The following PER2 variants were observed in gnomAD, a reference collection of about 807,000 sequenced individuals.
PER2 encodes the protein period circadian regulator 2, also known as period circadian protein homolog 2.
Under a neutral mutation model 121.0 loss-of-function variants are expected in PER2, and 66 were observed. The ratio of observed to expected loss-of-function variants is 0.55; its 90% CI spans 0.45 to 0.67. PER2 has a LOEUF of 0.67. PER2 is among the 30% of genes least tolerant of loss of function. The pLI is 0.00. For synonymous variants in PER2, 684 were observed against 659.9 expected, an observed-to-expected ratio of 1.04 and a Z score of -0.56; for missense variants, 1,521 against 1,635.0, an observed-to-expected ratio of 0.93 and a Z score of 1.20.
Position 238,261,737 on chromosome 2 carries a change from G to A in PER2, c.1408C>T (p.Leu470=), listed in dbSNP as rs1452681481. Residue 470 remains leucine (L), a synonymous_variant, in exon 12 of 23, where the codon CTG becomes TTG. Coordinates refer to ENST00000254657, the MANE Select transcript of PER2 (RefSeq NM_022817.3). ...QELTEQIHRL[L]LQPVPHSGSS... is the part of the protein sequence containing the mutation. ...GCAGGCACCACACCCACCTGCAGCA[G>A]GAGCCGGTGGATCTGCTCTGTGAGC... 6.4e-7 allele frequency: 1 copy of A among 1,556,188 alleles called. No homozygotes were observed. The highest frequency in any genetic ancestry group is 1.2e-5 in the South Asian group (1 of 84,558).
chr2:238,250,513 T>C (rs1695567896), intron 21 of PER2, 38 bp downstream of exon 21: 1 of 1,477,000 alleles, frequency 6.8e-7, no homozygotes, highest in South Asian at 1.2e-5. Context: ...CTGAACCCCA[T>C]CCCTCCCCAG....
chr2:238,287,244 C>G (rs1386101836), intron 1 of PER2, among the ~76,000 whole-genome samples: 1 of 152,256 alleles, frequency 6.6e-6, no homozygotes, highest in Non-Finnish European at 1.5e-5. Context: ...CATCCCCGCG[C>G]TGGCACACCA....
chr2:238,249,115 C>T lies in PER2; in HGVS notation c.3565G>A (p.Glu1189Lys), dbSNP rs745635601. The T allele has an allele frequency of 4.3e-6, 7 of 1,614,088 alleles. No homozygotes were observed. In the East Asian group the frequency reaches 6.7e-5, roughly 15 times the overall value. The change falls in exon 22 of 23, where the codon GAG becomes AAG. Residue 1189 changes from glutamate (E) to lysine (K), a missense_variant. Physicochemically the swap from Glu to Lys is moderately conservative, Grantham distance 56. Coordinates refer to ENST00000254657, the MANE Select transcript of PER2 (RefSeq NM_022817.3). ...FTESQKQELR[E>K]VHQWMQTGGL... Reference sequence around the variant, plus strand: ...CCCGTCTGCATCCACTGGTGGACCTCGCGCAGCTCCTGCTTCTGACTCTCC... The same window carrying T: ...CCCGTCTGCATCCACTGGTGGACCTTGCGCAGCTCCTGCTTCTGACTCTCC...
At chr2:238,273,244 G>A in intron 4 of PER2, 53 bp from the exon 5 acceptor site, 1 of 1,593,708 alleles carries the variant, frequency 6.3e-7, no homozygotes, top group Non-Finnish European at 8.6e-7. Flanking sequence ...CTTGGCCGGA[G>A]ACAGTCACTA....
chr2:238,294,370 G>A (rs751924573), upstream of PER2, among the ~76,000 whole-genome samples: 31 of 152,202 alleles, frequency 2.0e-4, no homozygotes, highest in Non-Finnish European at 3.4e-4. Flanking sequence ...GGCCTTGCAT[G>A]CTCTGGGGAC....
chr2:238,269,550 C>T (rs1696220612), intron 6 of PER2, among the ~76,000 whole-genome samples: 1 of 130,756 alleles, frequency 7.6e-6, no homozygotes, highest in Non-Finnish European at 1.6e-5. Flanking sequence ...GCAAACACAC[C>T]AACCTGCAAC....
intron 8 of PER2, among the ~76,000 whole-genome samples, chr2:238,266,217 T>G (rs1696107533): frequency 6.6e-6 from 1 of 152,200 alleles, no homozygotes; most frequent in Non-Finnish European, 1.5e-5. Context: ...CTTTATGATG[T>G]TTAAGATGAA....
intron 1 of PER2, among the ~76,000 whole-genome samples, chr2:238,285,701 C>G (rs1202618516): frequency 7.9e-6 from 1 of 126,664 alleles, no homozygotes; most frequent in Admixed American, 8.8e-5. Context: ...GTGCCAGCCC[C>G]CCAGAGGCTC....
At position 238,268,548 on chromosome 2, in the gene PER2, CTCAA is replaced by C. The variant is rs1430068300; in HGVS notation, c.825-354_825-351del. ...TCACTCCTGACAGTGCAGCTGGATGCTCAATCAGTCACCCTGGTTTGGACCAAGA... is the reference window on the plus strand; with the variant it reads ...TCACTCCTGACAGTGCAGCTGGATGCTCAGTCACCCTGGTTTGGACCAAGA... On this transcript the variant is annotated intron_variant, in intron 7 of 22. Transcript: ENST00000254657. The surrounding 1 kb of genome is among the most constrained non-coding windows in gnomAD (Gnocchi z 4.0). Among the ~76,000 whole-genome samples the C allele has an allele frequency of 1.3e-5, 2 of 152,224 alleles. No homozygotes were observed. Among genetic ancestry groups the C allele is most frequent in the Non-Finnish European group, 2.9e-5 (2 of 68,040 alleles).
rs142267174 is a variant in PER2 at position 238,253,011 on chromosome 2, A to T, written c.3012T>A (p.Thr1004=). 1.2e-6 allele frequency: 2 copies of T among 1,613,764 alleles called. No homozygotes were observed. The highest frequency in any genetic ancestry group is 2.7e-5 in the African/African-American group (2 of 74,910). Residue 1004 remains threonine, a synonymous_variant, in exon 19 of 23, where the codon ACT becomes ACA. Transcript: ENST00000254657. The surrounding 1 kb of genome is among the most constrained non-coding windows in gnomAD (Gnocchi z 5.6). The part of the protein sequence containing the change: ...LQLEEAPEGG[T]GAMGTTGATE... The stretch of plus-strand genomic sequence containing the variant: ...TGGCCCCTGTGGTCCCCATGGCTCC[A>T]GTGCCACCCTCAGGGGCTTCCTCCA...
At chr2:238,294,368 A>G (rs1574868805), upstream of PER2, among the ~76,000 whole-genome samples, 1 of 152,180 alleles carries the variant, frequency 6.6e-6, no homozygotes, top group African/African-American at 2.4e-5. Flanking sequence ...GGGGCCTTGC[A>G]TGCTCTGGGG....
chr2:238,294,042 T>TC (rs34950361), upstream of PER2, among the ~76,000 whole-genome samples: 3 of 152,014 alleles, frequency 2.0e-5, no homozygotes, highest in Non-Finnish European at 2.9e-5. Context: ...TCTGAGCTGA[T>TC]CCCCCCCACA....
chr2:238,250,540 T>G lies in PER2; in HGVS notation c.3467+11A>C, dbSNP rs757977057. 4 of 1,605,750 alleles carry G rather than the reference T, an allele frequency of 2.5e-6. No individual in the cohort carries two copies. The highest frequency in any genetic ancestry group is 3.4e-6 in the Non-Finnish European group (4 of 1,175,068). ...CCTCCCCAGGTGCCTAGGAAAACGC[T>G]GGGTGGTTACCGGGAAGGCAGCTGG... On this transcript the variant is annotated intron_variant, in intron 21 of 22. Coordinates refer to ENST00000254657, the MANE Select transcript of PER2 (RefSeq NM_022817.3).
chr2:238,247,083 A>C (rs1695469834), intron 22 of PER2: 1 of 152,680 alleles, frequency 6.5e-6, no homozygotes, highest in Admixed American at 6.5e-5. Context: ...GGCCAAAGAA[A>C]AGGTGACGCA....
At chr2:238,250,794 A>G (rs1695577739) in intron 20 of PER2, 51 bp from the exon 21 acceptor site, 2 of 1,303,136 alleles carry the variant, frequency 1.5e-6, no homozygotes, top group Non-Finnish European at 2.2e-6. Context: ...ATGAAATTAA[A>G]CCTTGCATAA....
At chr2:238,288,957 T>C (rs558541289), upstream of PER2, among the ~76,000 whole-genome samples, 97 of 152,300 alleles carry the variant, frequency 6.4e-4, no homozygotes, top group African/African-American at 2.1e-3. Flanking sequence ...TGGAACTCCA[T>C]GTTCACCTCG....
chr2:238,260,126 CA>C, intron 13 of PER2, 73 bp from the exon 14 acceptor site: 2 of 703,668 alleles, frequency 2.8e-6, no homozygotes, highest in Non-Finnish European at 5.2e-6. Flanking sequence ...AAAGTGAGAA[CA>C]GAGGATGGCT....
In PER2 at chr2:238,277,845, T is replaced by A. The variant is rs1407536238; in HGVS notation, c.92A>T (p.Asp31Val). 3.1e-6 allele frequency: 5 copies of A among 1,614,106 alleles called. No individual in the cohort carries two copies. The African/African-American group carries it at 5.3e-5, about 17-fold the overall frequency. Residue 31 changes from aspartate to valine, a missense_variant, in exon 2 of 23, where the codon GAT becomes GTT. By Grantham distance (152) the Asp-to-Val change is radical. Transcript: ENST00000254657. ...PQPSQVPLQE[D>V]VDMSSGSSGH... is the part of the protein sequence containing the mutation. ...ACTGGAGCCACTGCTCATGTCCACA[T>A]CTTCCTGCAGTGGGACCTGGCTGGG...
chr2:238,287,716 G>T (rs1351731305), intron 1 of PER2, among the ~76,000 whole-genome samples: 1 of 152,222 alleles, frequency 6.6e-6, no homozygotes, highest in Non-Finnish European at 1.5e-5. Context: ...TTTTCAGGGT[G>T]CCTTCTGGCT....
Sources: gnomAD v4.1 joint callset for allele counts (sites outside exome capture counted in the v4.1 genomes callset) on GRCh38, gnomAD v4.1.1 for gene constraint, Gnocchi (gnomAD v3.1) non-coding constraint, MANE v1.5 for transcripts, NCBI Gene and HGNC (gene_info 2026-07-23, HGNC 2026-07-21) for gene names.